The following SLC24A3 variants were observed in gnomAD, a reference collection of about 807,000 sequenced individuals.
SLC24A3 encodes the protein solute carrier family 24 member 3.
A neutral mutation model predicts 75.8 loss-of-function variants in SLC24A3; 28 were observed. The ratio of observed to expected loss-of-function variants is 0.37; its 90% CI spans 0.27 to 0.51. SLC24A3 has a LOEUF of 0.51. SLC24A3 is among the 20% of genes least tolerant of loss of function. The pLI, the probability that SLC24A3 is intolerant of heterozygous loss-of-function variation, is 0.94. For missense variants in SLC24A3, 663 were observed against 847.8 expected (o/e 0.78, Z 2.71); for synonymous variants, 372 against 334.1 (o/e 1.11, Z -1.24).
chr20:19,458,293 G>A (rs566098098), intron 2 of SLC24A3, among the ~76,000 whole-genome samples: 19 of 152,230 alleles, frequency 1.2e-4, no homozygotes, highest in Admixed American at 2.6e-4. Flanking sequence ...AAGCCCTTAA[G>A]GGTAGGTATA....
intron 2 of SLC24A3, among the ~76,000 whole-genome samples, chr20:19,491,586 C>T (rs1274938778): frequency 6.6e-6 from 1 of 152,190 alleles, no homozygotes; most frequent in Non-Finnish European, 1.5e-5. Flanking sequence ...GCTGCCATCA[C>T]ATTCTGGCAC....
intron 1 of SLC24A3, among the ~76,000 whole-genome samples, chr20:19,226,036 G>A (rs1201939781): frequency 1.3e-5 from 2 of 152,134 alleles, no homozygotes; most frequent in East Asian, 1.9e-4. Flanking sequence ...TCCCTGTTAA[G>A]TATGCTATTT....
At chr20:19,496,125 A>G (rs904686956) in intron 2 of SLC24A3, among the ~76,000 whole-genome samples, 1 of 152,164 alleles carries the variant, frequency 6.6e-6, no homozygotes, top group African/African-American at 2.4e-5. Flanking sequence ...GGCACAGGGA[A>G]TGGAAACTTT....
At chr20:19,226,972 G>T (rs925863899) in intron 1 of SLC24A3, among the ~76,000 whole-genome samples, 1 of 152,076 alleles carries the variant, frequency 6.6e-6, no homozygotes, top group Non-Finnish European at 1.5e-5. Context: ...ATCTCTGCCG[G>T]TTTCTTTAGG....
chr20:19,240,216 T>C (rs1384472026), intron 1 of SLC24A3, among the ~76,000 whole-genome samples: 2 of 152,200 alleles, frequency 1.3e-5, no homozygotes, highest in African/African-American at 4.8e-5. Context: ...ACAACTGCTG[T>C]GACTACTAGA....
At chr20:19,449,627 C>G (rs1987447021) in intron 2 of SLC24A3, among the ~76,000 whole-genome samples, 2 of 152,220 alleles carry the variant, frequency 1.3e-5, no homozygotes. Flanking sequence ...GAACATCCCA[C>G]TAATTCAAAA....
At chr20:19,527,923 C>G (rs894657235) in intron 3 of SLC24A3, among the ~76,000 whole-genome samples, 3 of 152,142 alleles carry the variant, frequency 2.0e-5, no homozygotes, top group Non-Finnish European at 4.4e-5. Context: ...AAACATATCA[C>G]CAACTAAGGG....
chr20:19,560,914 C>A (rs1480647066), intron 3 of SLC24A3, among the ~76,000 whole-genome samples: 2 of 152,154 alleles, frequency 1.3e-5, no homozygotes, highest in Non-Finnish European at 2.9e-5. Context: ...ATTTCTCCAT[C>A]CAAGCCACTT....
At chr20:19,643,455 G>A (rs1201347440) in intron 6 of SLC24A3, among the ~76,000 whole-genome samples, 4 of 152,132 alleles carry the variant, frequency 2.6e-5, no homozygotes, top group Non-Finnish European at 4.4e-5. Context: ...CCAAGCCTGC[G>A]AATTGAAAAA....
chr20:19,213,019 C>T (rs1186763896), intron 1 of SLC24A3, 35 bp downstream of exon 1: 6 of 1,210,758 alleles, frequency 5.0e-6, no homozygotes, highest in Non-Finnish European at 5.1e-6. Flanking sequence ...GTGGGCGCTG[C>T]GGCTCCGGCG....
rs1478746535 is a variant in SLC24A3, at chr20:19,447,483, G to A, written c.272-68005G>A. Among the ~76,000 whole-genome samples, 4 of 152,128 alleles carry A rather than the reference G, an allele frequency of 2.6e-5. No homozygotes were observed. The East Asian group carries it at 7.7e-4, about 29-fold the overall frequency. ...CAGTACGACTAGGGCCTGAACAGGTGCAGTTATGGGAGGCAAAGTGTTGTT... is the reference window on the plus strand; with the variant it reads ...CAGTACGACTAGGGCCTGAACAGGTACAGTTATGGGAGGCAAAGTGTTGTT... On this transcript the variant is annotated intron_variant, in intron 2 of 16. Coordinates refer to ENST00000328041, the MANE Select transcript of SLC24A3 (RefSeq NM_020689.4).
chr20:19,491,127 G>A (rs915342779), intron 2 of SLC24A3, among the ~76,000 whole-genome samples: 2 of 152,112 alleles, frequency 1.3e-5, no homozygotes, highest in Non-Finnish European at 2.9e-5. Flanking sequence ...GAGGGGAGGG[G>A]TCCTCACTGC....
Position 19,291,822 on chromosome 20 carries a change from G to GA in SLC24A3, c.271+10742dup, listed in dbSNP as rs541072707. On this transcript the variant is annotated intron_variant, in intron 2 of 16. Coordinates refer to ENST00000328041, the MANE Select transcript of SLC24A3 (RefSeq NM_020689.4). ...TTATTGGGATCAGGGACACTGATAT[G>GA]AAAAAAAGAAAAAAGGCAAGAAGCT... 7.8e-4 allele frequency among the ~76,000 whole-genome samples: 119 copies of GA among 151,986 alleles called. 1 individual carries two copies. The highest frequency in any genetic ancestry group is 2.8e-3 in the African/African-American group (116 of 41,506).
chr20:19,346,025 C>T (rs764147373), intron 2 of SLC24A3, among the ~76,000 whole-genome samples: 35 of 138,868 alleles, frequency 2.5e-4, no homozygotes, highest in African/African-American at 8.9e-4. Context: ...AAAATATGCA[C>T]CCAGCCCAAA....
intron 6 of SLC24A3, among the ~76,000 whole-genome samples, chr20:19,602,868 T>G (rs369617683): frequency 1.1e-4 from 17 of 152,298 alleles, no homozygotes; most frequent in South Asian, 1.0e-3. Context: ...GCCAGCCACA[T>G]GTCCGGCAAG....
At position 19,721,161 on chromosome 20, in the gene SLC24A3, G is replaced by A. The variant is rs550600253; in HGVS notation, c.*21G>A. Reference sequence around the variant, plus strand: ...ACTGAGCCGCCGGGTGCCCACAGAGGCTCAGCTCCTTCTTTTCTGTGCAAT... The same window carrying A: ...ACTGAGCCGCCGGGTGCCCACAGAGACTCAGCTCCTTCTTTTCTGTGCAAT... On this transcript the variant is annotated 3_prime_UTR_variant, in exon 17 of 17. Coordinates refer to ENST00000328041, the MANE Select transcript of SLC24A3 (RefSeq NM_020689.4). 7.4e-6 allele frequency: 12 copies of A among 1,613,474 alleles called. No individual in the cohort carries two copies. The South Asian group carries it at 8.8e-5, about 12-fold the overall frequency.
At chr20:19,230,867 G>A (rs1265723663) in intron 1 of SLC24A3, among the ~76,000 whole-genome samples, 1 of 152,108 alleles carries the variant, frequency 6.6e-6, no homozygotes, top group Non-Finnish European at 1.5e-5. Context: ...GGGTCATTGG[G>A]TCCTAATGCT....
intron 6 of SLC24A3, among the ~76,000 whole-genome samples, chr20:19,649,689 G>C (rs1484761987): frequency 6.6e-6 from 1 of 152,080 alleles, no homozygotes; most frequent in Non-Finnish European, 1.5e-5. Flanking sequence ...AGTAGTGAGG[G>C]AGAAAGGAAA....
chr20:19,542,565 C>T (rs1245120064), intron 3 of SLC24A3, among the ~76,000 whole-genome samples: 1 of 152,148 alleles, frequency 6.6e-6, no homozygotes, highest in East Asian at 1.9e-4. Flanking sequence ...GGCTGATAGT[C>T]ACCCCAGAAT....
Sources: allele counts gnomAD v4.1 joint callset (sites outside exome capture counted in the v4.1 genomes callset), GRCh38; gene constraint gnomAD v4.1.1; transcripts MANE v1.5; gene names NCBI Gene and HGNC (gene_info 2026-07-23, HGNC 2026-07-21).